Variants in VWDE observed in about 807,000 individuals in gnomAD.
VWDE encodes von Willebrand factor D and EGF domains.
Under a neutral mutation model 178.4 loss-of-function variants are expected in VWDE, and 207 were observed. The ratio of observed to expected loss-of-function variants is 1.16; its 90% CI spans 1.04 to 1.30. The LOEUF (loss-of-function observed/expected upper bound fraction) is 1.30, where lower values mean the gene tolerates loss of function less well. Ranked by LOEUF, VWDE falls within the 50% of genes most tolerant of loss-of-function variation. VWDE has a pLI of 0.00. For synonymous variants in VWDE, 738 were observed against 651.4 expected, an observed-to-expected ratio of 1.13 and a Z score of -2.02; for missense variants, 2,287 against 1,901.3, an observed-to-expected ratio of 1.20 and a Z score of -3.77.
At chr7:12,374,919 T>C (rs974811055) in intron 8 of VWDE, 91 bp downstream of exon 8, 66 of 1,323,472 alleles carry the variant, frequency 5.0e-5, no homozygotes, top group Middle Eastern at 2.6e-4. Context: ...ACCAAAAAAT[T>C]TTTTACATAA....
chr7:12,361,622 T>C lies in VWDE; in HGVS notation c.2899-101A>G, dbSNP rs1782586014. 3 of 1,088,330 alleles carry C rather than the reference T, an allele frequency of 2.8e-6. No individual in the cohort carries two copies. The African/African-American group carries it at 4.8e-5, about 17-fold the overall frequency. 67.4% of individuals were successfully genotyped at this position (1,088,330 alleles called of 1,614,324 possible). On this transcript the variant is annotated intron_variant, in intron 13 of 28. Coordinates refer to ENST00000275358, the MANE Select transcript of VWDE (RefSeq NM_001135924.3). ...AAACATAAATTTTAAAATATATGCC[T>C]AGTATAATGTAATATATAACAGGGA... is the stretch of plus-strand genomic sequence containing the variant.
At chr7:12,394,544 G>T (rs942667872) in intron 1 of VWDE, among the ~76,000 whole-genome samples, 1 of 152,062 alleles carries the variant, frequency 6.6e-6, no homozygotes, top group Non-Finnish European at 1.5e-5. Context: ...CCACTTTCCA[G>T]CACTAAAAGT....
rs1170920515 is a variant in VWDE at position 12,380,509 on chromosome 7, T to C, written c.766A>G (p.Ile256Val). The C allele has an allele frequency of 7.1e-6, 11 of 1,551,704 alleles. No individual in the cohort carries two copies. The highest frequency in any genetic ancestry group is 2.4e-5 in the East Asian group (1 of 40,926). ...ACCCTGTCTCCAAGTCTGAGATTTA[T>C]GCCATCAAGTTCTAAAAGAGAGAAT... Reference protein sequence around the residue: ...QAFSLLELDGINLRLGDRIFC... With the variant: ...QAFSLLELDGVNLRLGDRIFC... Residue 256 changes from isoleucine (I) to valine (V), a missense_variant, in exon 5 of 29, where the codon ATA (isoleucine) becomes GTA (valine). By Grantham distance (29) the Ile-to-Val change is conservative. Coordinates refer to ENST00000275358, the MANE Select transcript of VWDE (RefSeq NM_001135924.3).
rs1782578739 is a variant in VWDE, at chr7:12,361,504, C to T, written c.2916G>A (p.Trp972Ter). ...VTKLQYNSSE[W>*]MPGEPIYTQT... is the part of the protein sequence containing the mutation. ...GTGTATAGATGGGTTCTCCAGGCAT[C>T]CATTCACTGCTATTATACTGAAGAC... Residue 972 changes from tryptophan to a stop codon, truncating the protein, a stop_gained, in exon 14 of 29, where the codon TGG (tryptophan) becomes TGA (stop). Transcript: ENST00000275358. LOFTEE classifies it high-confidence loss of function. 1.3e-6 allele frequency: 2 copies of T among 1,547,512 alleles called. No homozygotes were observed. The highest frequency in any genetic ancestry group is 2.4e-5 in the South Asian group (2 of 82,770).
intron 1 of VWDE, among the ~76,000 whole-genome samples, chr7:12,403,031 T>C (rs148336529): frequency 8.6e-4 from 131 of 152,326 alleles, no homozygotes; most frequent in Non-Finnish European, 1.4e-3. Flanking sequence ...AGTTTTGGTT[T>C]AACTTCACTG....
rs567189755 is a variant in VWDE, at chr7:12,391,306, A to G, written c.244-1948T>C. Among the ~76,000 whole-genome samples the G allele has an allele frequency of 7.9e-5, 12 of 152,322 alleles. No homozygotes were observed. In the South Asian group the frequency reaches 2.5e-3, roughly 32 times the overall value. On this transcript the variant is annotated intron_variant, in intron 2 of 28. Coordinates refer to ENST00000275358, the MANE Select transcript of VWDE (RefSeq NM_001135924.3). ...AACATTACAAATAGTAATTTATGTA[A>G]GTCCACGTGTATTAACCTGTAGAGA... is the stretch of plus-strand genomic sequence containing the variant.
Position 12,343,150 on chromosome 7 carries a change from AC to A in VWDE, c.4106del (p.Gly1369ValfsTer17). On this transcript the variant is annotated frameshift_variant, in exon 22 of 29. Transcript: ENST00000275358. LOFTEE classifies it high-confidence loss of function. Reference protein sequence around the residue: ...EEHCNPPCQHGGTCLAGNLCT... With the variant: ...EEHCNPPCQHXGTCLAGNLCT... ...AGAGATTCCCAGCCAAGCATGTGCC[AC>A]CATGTTGACAAGGTGGGTTACAATG... The A allele has an allele frequency of 6.5e-7, 1 of 1,549,844 alleles. No individual in the cohort carries two copies. The highest frequency in any genetic ancestry group is 8.7e-7 in the Non-Finnish European group (1 of 1,145,700).
chr7:12,335,799 C>G (rs1477438241), intron 27 of VWDE, among the ~76,000 whole-genome samples: 2 of 152,016 alleles, frequency 1.3e-5, no homozygotes, highest in African/African-American at 2.4e-5. Context: ...TCTAAGGTAT[C>G]CATGATACAT....
intron 4 of VWDE, among the ~76,000 whole-genome samples, chr7:12,382,711 G>T (rs190944819): frequency 1.2e-3 from 181 of 151,454 alleles, no homozygotes; most frequent in Admixed American, 2.6e-3. Context: ...TATCCTATTT[G>T]GCTAACAAAA....
chr7:12,380,426 A>G, intron 5 of VWDE, 60 bp downstream of exon 5: 1 of 1,517,364 alleles, frequency 6.6e-7, no homozygotes. Flanking sequence ...TGATGTTTAA[A>G]AATCGTGTTT....
intron 24 of VWDE, among the ~76,000 whole-genome samples, chr7:12,337,686 T>G (rs1341798871): frequency 6.6e-6 from 1 of 152,190 alleles, no homozygotes; most frequent in Non-Finnish European, 1.5e-5. Flanking sequence ...TAAAAAGCAC[T>G]TTTAAATTAG....
intron 15 of VWDE, 113 bp from the exon 16 acceptor site, chr7:12,359,805 C>A: frequency 1.6e-6 from 1 of 606,100 alleles, no homozygotes; most frequent in Non-Finnish European, 2.9e-6. Context: ...GCACATACAT[C>A]TATTTTGATA....
chr7:12,387,643 T>C (rs184870754), intron 3 of VWDE, among the ~76,000 whole-genome samples: 42 of 152,272 alleles, frequency 2.8e-4, no homozygotes, highest in Middle Eastern at 3.4e-3. Context: ...TTAACTACTA[T>C]AATAACCAAC....
chr7:12,356,551 A>C (rs1301724266), intron 17 of VWDE, among the ~76,000 whole-genome samples: 1 of 152,020 alleles, frequency 6.6e-6, no homozygotes, highest in African/African-American at 2.4e-5. Context: ...ACAATATAAT[A>C]CTAAGGATAA....
intron 1 of VWDE, 118 bp downstream of exon 1, chr7:12,403,541 T>C: frequency 1.1e-6 from 1 of 951,152 alleles, no homozygotes; most frequent in South Asian, 1.9e-5. Context: ...CAAACATCGC[T>C]TGCTGCCTTA....
Position 12,356,157 on chromosome 7 carries a change from A to T in VWDE, c.3699T>A (p.Ile1233=). 6.4e-7 allele frequency: 1 copy of T among 1,551,626 alleles called. No individual in the cohort carries two copies. Among genetic ancestry groups the T allele is most frequent in the Non-Finnish European group, 8.7e-7 (1 of 1,146,998 alleles). ...CACAGGAATAACTGTGAAAACCACT[A>T]ATATAGCTGCCAAGACCACAAGGGT... ...QSNPCGLGSY[I]SGFHSYSCDC... is the part of the protein sequence containing the mutation. The change falls in exon 18 of 29, where the codon ATT becomes ATA. Residue 1233 remains isoleucine, a synonymous_variant. Transcript: ENST00000275358.
At chr7:12,365,708 A>G (rs1002171059) in intron 13 of VWDE, among the ~76,000 whole-genome samples, 2 of 152,096 alleles carry the variant, frequency 1.3e-5, no homozygotes, top group East Asian at 3.9e-4. Context: ...CACATTAAAC[A>G]GACTTGACTG....
chr7:12,390,478 CTTG>C (rs959135679), intron 2 of VWDE, among the ~76,000 whole-genome samples: 1 of 151,608 alleles, frequency 6.6e-6, no homozygotes, highest in Non-Finnish European at 1.5e-5. Context: ...GGTTATAATT[CTTG>C]TTATTATTTC....
rs111533835 is a variant in VWDE, at chr7:12,393,010, C to A, written c.243+584G>T. Among the ~76,000 whole-genome samples, 8 of 152,194 alleles carry A rather than the reference C, an allele frequency of 5.3e-5. 1 individual carries two copies. The highest frequency in any genetic ancestry group is 1.9e-4 in the African/African-American group (8 of 41,536). Reference sequence around the variant, plus strand: ...CATATGCCTCCAGAGTATTGAATGTCCTGCAGGTACACTGTCTTTCAATTG... The same window carrying A: ...CATATGCCTCCAGAGTATTGAATGTACTGCAGGTACACTGTCTTTCAATTG... On this transcript the variant is annotated intron_variant, in intron 2 of 28. Coordinates refer to ENST00000275358, the MANE Select transcript of VWDE (RefSeq NM_001135924.3).
Sources: allele counts gnomAD v4.1 joint callset (sites outside exome capture counted in the v4.1 genomes callset), GRCh38; gene constraint gnomAD v4.1.1; transcripts MANE v1.5; gene names NCBI Gene and HGNC (gene_info 2026-07-23, HGNC 2026-07-21).